Variants in TRPC5 observed in about 807,000 individuals in gnomAD.
TRPC5 encodes the protein transient receptor potential cation channel subfamily C member 5.
TRPC5 carries 9 observed loss-of-function variants against 56.5 expected under a neutral mutation model. That is an observed-to-expected ratio of 0.16 (90% CI 0.10 to 0.28). TRPC5 has a LOEUF of 0.28. TRPC5 is among the 10% of genes least tolerant of loss of function. The pLI is 1.00. For synonymous variants in TRPC5, 282 were observed against 278.5 expected (o/e 1.01, Z -0.13); for missense variants, 469 against 748.9 (o/e 0.63, Z 4.36).
chrX:112,059,850 A>T (rs983151158), intron 1 of TRPC5, among the ~76,000 whole-genome samples: 23 of 111,630 alleles, frequency 2.1e-4, no homozygotes, highest in African/African-American at 7.2e-4. Flanking sequence ...AAACCATGCA[A>T]TTTTTTTTAT....
chrX:111,824,771 C>T (rs1457168587), intron 7 of TRPC5, among the ~76,000 whole-genome samples: 2 of 111,879 alleles, frequency 1.8e-5, no homozygotes, highest in Non-Finnish European at 3.8e-5. Flanking sequence ...TGCTTCTCCT[C>T]ATTGTTGGGG....
intron 1 of TRPC5, among the ~76,000 whole-genome samples, chrX:111,963,468 A>G (rs1206089873): frequency 8.9e-6 from 1 of 112,169 alleles, no homozygotes; most frequent in Non-Finnish European, 1.9e-5. Context: ...ACAGCTTTGA[A>G]GAGAGTAGTG....
chrX:112,080,890 C>T (rs73550170), intron 1 of TRPC5, among the ~76,000 whole-genome samples: 2,943 of 111,976 alleles, frequency 0.026, 72 homozygotes, highest in African/African-American at 0.072. Flanking sequence ...CTGGGTGTGC[C>T]ATGTCAATGT....
intron 1 of TRPC5, among the ~76,000 whole-genome samples, chrX:112,072,140 G>A (rs1037042593): frequency 4.5e-5 from 5 of 111,918 alleles, no homozygotes; most frequent in East Asian, 5.6e-4. Context: ...CGAGGAGCAC[G>A]AACTTTGGAT....
chrX:111,860,839 G>A (rs1923384255), intron 3 of TRPC5, among the ~76,000 whole-genome samples: 1 of 111,645 alleles, frequency 9.0e-6, no homozygotes, highest in Non-Finnish European at 1.9e-5. Context: ...TTTTTGGATG[G>A]TTCAGGGGTC....
At chrX:112,047,657 T>C (rs2147731302) in intron 1 of TRPC5, among the ~76,000 whole-genome samples, 1 of 112,165 alleles carries the variant, frequency 8.9e-6, no homozygotes, top group East Asian at 2.8e-4. Flanking sequence ...AATCCTTTCA[T>C]CCTCCAGCAG....
In TRPC5 at chrX:111,976,228, G is replaced by A. The variant is rs947508357; in HGVS notation, c.-21-23787C>T. ...GCTTGAGCCCAGGAGTTCGAGCCTA[G>A]CTTGGGCAATGTGGCAAAACCTTGT... On this transcript the variant is annotated intron_variant, in intron 1 of 10. Coordinates refer to ENST00000262839, the MANE Select transcript of TRPC5 (RefSeq NM_012471.3). 3.6e-5 allele frequency among the ~76,000 whole-genome samples: 4 copies of A among 111,077 alleles called. No homozygotes were observed. In the Admixed American group the frequency reaches 3.8e-4, roughly 11 times the overall value.
chrX:111,948,877 G>C (rs1246963914), intron 2 of TRPC5, among the ~76,000 whole-genome samples: 1 of 111,355 alleles, frequency 9.0e-6, no homozygotes, highest in East Asian at 2.8e-4. Flanking sequence ...TTCCTTATCT[G>C]AGTAAAGAAG....
intron 3 of TRPC5, among the ~76,000 whole-genome samples, chrX:111,886,333 T>C (rs994091934): frequency 8.9e-6 from 1 of 112,598 alleles, no homozygotes; most frequent in African/African-American, 3.2e-5. Context: ...CAGTGTCAGA[T>C]ACTTCAGTAC....
chrX:112,055,807 G>A (rs745817045), intron 1 of TRPC5, among the ~76,000 whole-genome samples: 18 of 108,168 alleles, frequency 1.7e-4, no homozygotes, highest in African/African-American at 6.0e-4. Flanking sequence ...ATATTGGGAG[G>A]GTTTTTTTAG....
intron 3 of TRPC5, among the ~76,000 whole-genome samples, chrX:111,894,889 C>T (rs1443302600): frequency 9.0e-6 from 1 of 111,280 alleles, no homozygotes; most frequent in African/African-American, 3.3e-5. Context: ...TCAATAACCC[C>T]CTACCCAGAG....
intron 6 of TRPC5, among the ~76,000 whole-genome samples, chrX:111,840,491 A>G (rs907708020): frequency 1.6e-4 from 18 of 112,654 alleles, no homozygotes; most frequent in East Asian, 2.8e-4. Flanking sequence ...TACAGATGCA[A>G]CCATTCATTT....
intron 5 of TRPC5, among the ~76,000 whole-genome samples, chrX:111,850,714 C>T (rs1923061560): frequency 8.9e-6 from 1 of 112,080 alleles, no homozygotes; most frequent in African/African-American, 3.2e-5. Flanking sequence ...GCAGATTTAT[C>T]CTTATACTTT....
chrX:111,909,102 G>A (rs750020050), intron 3 of TRPC5, among the ~76,000 whole-genome samples: 87 of 107,015 alleles, frequency 8.1e-4, no homozygotes, highest in Middle Eastern at 9.7e-3. Flanking sequence ...TGGCCAGCAT[G>A]GCGAAACCCC....
At chrX:111,999,908 G>A (rs960993744) in intron 1 of TRPC5, among the ~76,000 whole-genome samples, 8 of 111,526 alleles carry the variant, frequency 7.2e-5, no homozygotes, top group Non-Finnish European at 1.3e-4. Context: ...GGAGGTTGCC[G>A]TGACCCGAGA....
At chrX:111,802,235 C>A (rs1198158689) in intron 7 of TRPC5, among the ~76,000 whole-genome samples, 1 of 111,201 alleles carries the variant, frequency 9.0e-6, no homozygotes, top group African/African-American at 3.3e-5. Flanking sequence ...TATGTCAATT[C>A]TTATGCCACT....
intron 7 of TRPC5, among the ~76,000 whole-genome samples, chrX:111,814,977 A>G (rs1036889240): frequency 1.8e-5 from 2 of 111,242 alleles, no homozygotes; most frequent in Non-Finnish European, 1.9e-5. Context: ...CATCAAGCCA[A>G]TATTCTGTCT....
intron 2 of TRPC5, among the ~76,000 whole-genome samples, chrX:111,937,463 T>A (rs1330297616): frequency 5.9e-4 from 57 of 97,323 alleles, no homozygotes; most frequent in African/African-American, 1.9e-3. Flanking sequence ...TCTTCTAGGG[T>A]TTTTATGGTT....
At position 111,974,138 on chromosome X, in the gene TRPC5, G is replaced by A. The variant is rs1927857113; in HGVS notation, c.-21-21697C>T. Among the ~76,000 whole-genome samples, 2 of 112,099 alleles carry A rather than the reference G, an allele frequency of 1.8e-5. 1 individual carries two copies. Among genetic ancestry groups the A allele is most frequent in the Admixed American group, 1.9e-4 (2 of 10,548 alleles). ...AATAAAATAAAACATATTATATGGT[G>A]ATTTTCAGGACACAGGGCACTAGCC... is the stretch of plus-strand genomic sequence containing the variant. On this transcript the variant is annotated intron_variant, in intron 1 of 10. Coordinates refer to ENST00000262839, the MANE Select transcript of TRPC5 (RefSeq NM_012471.3).
Sources: gnomAD v4.1 joint callset for allele counts (sites outside exome capture counted in the v4.1 genomes callset) on GRCh38, gnomAD v4.1.1 for gene constraint, MANE v1.5 for transcripts, NCBI Gene and HGNC (gene_info 2026-07-23, HGNC 2026-07-21) for gene names.